Variants in TAFA1 observed in about 807,000 individuals in gnomAD.
TAFA1 encodes the protein TAFA chemokine like family member 1.
A neutral mutation model predicts 18.5 loss-of-function variants in TAFA1; 4 were observed. The observed-to-expected ratio is 0.22, with a 90% confidence interval of 0.11 to 0.49. The LOEUF (loss-of-function observed/expected upper bound fraction) is 0.49. Among genes scored for constraint, TAFA1 ranks in the 20% least tolerant of loss-of-function variants. TAFA1 has a pLI of 0.98. For missense variants in TAFA1, 147 were observed against 169.0 expected (o/e 0.87, Z 0.72); for synonymous variants, 56 against 55.2 (o/e 1.01, Z -0.06).
At chr3:68,470,058 T>A (rs1307271709) in intron 3 of TAFA1, among the ~76,000 whole-genome samples, 2 of 152,176 alleles carry the variant, frequency 1.3e-5, no homozygotes, top group African/African-American at 2.4e-5. Context: ...CAGGTGAAGA[T>A]AATTGAATCA....
intron 2 of TAFA1, among the ~76,000 whole-genome samples, chr3:68,345,079 A>G (rs1202574017): frequency 6.6e-6 from 1 of 151,934 alleles, no homozygotes; most frequent in Non-Finnish European, 1.5e-5. Context: ...ATTCATATTT[A>G]GATCTCAGGA....
At chr3:68,090,997 G>C (rs1039213852) in intron 2 of TAFA1, among the ~76,000 whole-genome samples, 4 of 152,150 alleles carry the variant, frequency 2.6e-5, no homozygotes, top group Admixed American at 2.0e-4. Context: ...TATTAGGAGA[G>C]CACTGAAATG....
intron 3 of TAFA1, among the ~76,000 whole-genome samples, chr3:68,485,314 G>A (rs904071505): frequency 6.6e-6 from 1 of 152,162 alleles, no homozygotes; most frequent in African/African-American, 2.4e-5. Context: ...CCACTTGTTT[G>A]TGCTAAGTTG....
intron 2 of TAFA1, among the ~76,000 whole-genome samples, chr3:68,416,301 CA>C (rs1250845316): frequency 2.6e-5 from 4 of 152,108 alleles, no homozygotes; most frequent in Non-Finnish European, 5.9e-5. Context: ...CCTCTATGTA[CA>C]GGAGATGTAT....
chr3:68,176,800 A>G (rs916465257), intron 2 of TAFA1, among the ~76,000 whole-genome samples: 1 of 152,218 alleles, frequency 6.6e-6, no homozygotes, highest in Non-Finnish European at 1.5e-5. Context: ...TTAAGGCTAC[A>G]TCAGCAATTT....
At chr3:68,198,293 G>T (rs1198603950) in intron 2 of TAFA1, among the ~76,000 whole-genome samples, 1 of 151,568 alleles carries the variant, frequency 6.6e-6, no homozygotes, top group African/African-American at 2.4e-5. Flanking sequence ...CATCTTCATT[G>T]CTTCCAAATT....
At position 68,327,747 on chromosome 3, in the gene TAFA1, C is replaced by G. The variant is rs913401757; in HGVS notation, c.119-89533C>G. On this transcript the variant is annotated intron_variant, in intron 2 of 4. Transcript: ENST00000478136. ...CATTTATTCATAATCAATTAACATG[C>G]ATAAAAATCTCCAACATCTCATGGA... 4.6e-5 allele frequency among the ~76,000 whole-genome samples: 7 copies of G among 152,146 alleles called. No homozygotes were observed. The South Asian group carries it at 8.3e-4, about 18-fold the overall frequency.
chr3:68,283,658 A>T (rs556577388), intron 2 of TAFA1, among the ~76,000 whole-genome samples: 8 of 152,304 alleles, frequency 5.3e-5, no homozygotes, highest in African/African-American at 1.7e-4. Flanking sequence ...AATTATATCT[A>T]CACAAAAGGT....
chr3:68,310,949 C>T (rs1395993237), intron 2 of TAFA1, among the ~76,000 whole-genome samples: 1 of 151,982 alleles, frequency 6.6e-6, no homozygotes, highest in Non-Finnish European at 1.5e-5. Flanking sequence ...AAGACACACC[C>T]GAGCCTGGGC....
At chr3:68,241,357 G>C (rs910635970) in intron 2 of TAFA1, among the ~76,000 whole-genome samples, 3 of 152,076 alleles carry the variant, frequency 2.0e-5, no homozygotes, top group Non-Finnish European at 4.4e-5. Context: ...CCTGAGATTA[G>C]CCCAATTACC....
At position 68,315,822 on chromosome 3, in the gene TAFA1, G is replaced by C. The variant is rs567741804; in HGVS notation, c.119-101458G>C. On this transcript the variant is annotated intron_variant, in intron 2 of 4. Transcript: ENST00000478136. ...TGTTAATACTTGGGCTGCTATATAT[G>C]GAAAAGGCTAAACATATGCAGAGAT... Among the ~76,000 whole-genome samples, 6 of 152,248 alleles carry C rather than the reference G, an allele frequency of 3.9e-5. No homozygotes were observed. The South Asian group carries it at 1.2e-3, about 32-fold the overall frequency.
At chr3:68,104,314 T>C (rs1486470340) in intron 2 of TAFA1, among the ~76,000 whole-genome samples, 1 of 152,126 alleles carries the variant, frequency 6.6e-6, no homozygotes, top group Non-Finnish European at 1.5e-5. Flanking sequence ...ATTAAGTCTT[T>C]ATTATCTTTT....
intron 2 of TAFA1, among the ~76,000 whole-genome samples, chr3:68,329,095 T>A (rs989826349): frequency 2.0e-5 from 3 of 151,682 alleles, no homozygotes; most frequent in African/African-American, 4.8e-5. Context: ...TTTTGTTTTT[T>A]TTTTTTTGGG....
chr3:68,357,030 T>A (rs1402358974), intron 2 of TAFA1, among the ~76,000 whole-genome samples: 1 of 151,906 alleles, frequency 6.6e-6, no homozygotes, highest in African/African-American at 2.4e-5. Context: ...AAGGTTGATG[T>A]CACTATGGCC....
chr3:68,317,311 G>A (rs1048453290), intron 2 of TAFA1, among the ~76,000 whole-genome samples: 5 of 152,130 alleles, frequency 3.3e-5, no homozygotes, highest in Non-Finnish European at 7.4e-5. Context: ...TCCTATCTCA[G>A]TCACTTGCCA....
At chr3:68,444,421 C>T (rs111578926) in intron 3 of TAFA1, among the ~76,000 whole-genome samples, 1 of 152,140 alleles carries the variant, frequency 6.6e-6, no homozygotes, top group Non-Finnish European at 1.5e-5. Flanking sequence ...TCACATTGTC[C>T]AGGTGAAGTC....
chr3:68,389,050 TG>T (rs1457649245), intron 2 of TAFA1, among the ~76,000 whole-genome samples: 1 of 152,180 alleles, frequency 6.6e-6, no homozygotes, highest in Non-Finnish European at 1.5e-5. Flanking sequence ...AATAAAACTG[TG>T]GGTTTGCTAA....
intron 3 of TAFA1, among the ~76,000 whole-genome samples, chr3:68,537,283 G>A (rs1002250514): frequency 1.3e-5 from 2 of 152,084 alleles, no homozygotes; most frequent in Non-Finnish European, 2.9e-5. Context: ...AAAAGAAAAG[G>A]CATACAAATT....
intron 2 of TAFA1, among the ~76,000 whole-genome samples, chr3:68,061,000 C>T (rs767273192): frequency 6.6e-6 from 1 of 152,124 alleles, no homozygotes; most frequent in Admixed American, 6.6e-5. Flanking sequence ...TCCTCTTTAG[C>T]GTGTGTGTAC....
Sources: gnomAD v4.1 joint callset for allele counts (sites outside exome capture counted in the v4.1 genomes callset) on GRCh38, gnomAD v4.1.1 for gene constraint, MANE v1.5 for transcripts, NCBI Gene and HGNC (gene_info 2026-07-23, HGNC 2026-07-21) for gene names.